The following ABCG8 variants were observed in gnomAD, a reference collection of about 807,000 sequenced individuals.
ABCG8 encodes the protein ATP-binding cassette sub-family G member 8.
ABCG8 carries 81 observed loss-of-function variants against 71.3 expected under a neutral mutation model. The observed-to-expected ratio is 1.14, with a 90% CI of 0.95 to 1.37. ABCG8 has a LOEUF of 1.37. Among genes scored for constraint, ABCG8 ranks in the 40% most tolerant of loss-of-function variants. ABCG8 has a pLI of 0.00. For synonymous variants in ABCG8, 451 were observed against 354.7 expected (o/e 1.27, Z -3.05); for missense variants, 1,119 against 866.2 (o/e 1.29, Z -3.66).
intron 6 of ABCG8, among the ~76,000 whole-genome samples, chr2:43,859,370 A>C (rs1268075022): frequency 1.3e-5 from 2 of 150,302 alleles, no homozygotes; most frequent in Non-Finnish European, 1.5e-5. Flanking sequence ...TCTAGATAGA[A>C]TTTTCACCAT....
Position 43,874,406 on chromosome 2 carries a change from G to C in ABCG8, c.1412-1G>C. On this transcript the variant is annotated splice_acceptor_variant, in intron 9 of 12. Coordinates refer to ENST00000272286, the MANE Select transcript of ABCG8 (RefSeq NM_022437.3). LOFTEE classifies it high-confidence loss of function. The stretch of plus-strand genomic sequence containing the variant: ...CTCTTTTCCTTTCCCTTACTTTTTA[G>C]GTTACTCAGAGAGGGCAATGCTTTA... 1 of 1,596,786 alleles carries C rather than the reference G, an allele frequency of 6.3e-7. No homozygotes were observed. Among genetic ancestry groups the C allele is most frequent in the Non-Finnish European group, 8.6e-7 (1 of 1,165,124 alleles).
intron 6 of ABCG8, among the ~76,000 whole-genome samples, chr2:43,856,196 T>A (rs1669099849): frequency 6.6e-6 from 1 of 151,830 alleles, no homozygotes; most frequent in Non-Finnish European, 1.5e-5. Context: ...CTGAATAGAA[T>A]TCTCACCCTA....
intron 6 of ABCG8, among the ~76,000 whole-genome samples, chr2:43,866,281 A>G (rs1169332987): frequency 2.0e-5 from 3 of 149,970 alleles, no homozygotes; most frequent in Non-Finnish European, 3.0e-5. Flanking sequence ...GGACATAGGC[A>G]CGGGCAAGGA....
chr2:43,855,888 G>A (rs1423000228), intron 6 of ABCG8, among the ~76,000 whole-genome samples: 2 of 150,046 alleles, frequency 1.3e-5, no homozygotes, highest in African/African-American at 4.9e-5. Context: ...CTCACTATCT[G>A]TCTGGATAGA....
intron 6 of ABCG8, 80 bp from the exon 7 acceptor site, chr2:43,871,896 C>T (rs1669787581): frequency 6.3e-7 from 1 of 1,594,176 alleles, no homozygotes; most frequent in South Asian, 1.1e-5. Context: ...GCATTGTGAG[C>T]TGGGCGTGCA....
chr2:43,842,624 C>A (rs1361197630), intron 1 of ABCG8, among the ~76,000 whole-genome samples: 1 of 152,076 alleles, frequency 6.6e-6, no homozygotes, highest in South Asian at 2.1e-4. Context: ...AAATATCGTA[C>A]ACAAATCAGC....
Position 43,844,582 on chromosome 2 carries a change from C to G in ABCG8, c.139C>G (p.Leu47Val). 1 of 1,614,150 alleles carries G rather than the reference C, an allele frequency of 6.2e-7. No individual in the cohort carries two copies. Among genetic ancestry groups the G allele is most frequent in the Non-Finnish European group, 8.5e-7 (1 of 1,179,994 alleles). The change falls in exon 2 of 13, where the codon CTG becomes GTG. Residue 47 changes from leucine to valine, a missense_variant. Coordinates refer to ENST00000272286, the MANE Select transcript of ABCG8 (RefSeq NM_022437.3). The stretch of plus-strand genomic sequence containing the variant: ...CACCTACAGTGGCCAGCCCAACACC[C>G]TGGAGGTCAGAGACCTCAACTACCA... The part of the protein sequence containing the change: ...YFTYSGQPNT[L>V]EVRDLNYQVD...
rs749087577 is a variant in ABCG8, at chr2:43,875,425, C to T, written c.1756+12C>T. On this transcript the variant is annotated intron_variant, in intron 11 of 12. Transcript: ENST00000272286. ...CAGCCTGTGGACAGGTAAGGCCTGC[C>T]CCCGGGGCCTGGGCCAGCTTTGTTA... The T allele has an allele frequency of 2.5e-6, 4 of 1,610,384 alleles. No homozygotes were observed. The Admixed American group carries it at 6.7e-5, about 27-fold the overall frequency.
intron 6 of ABCG8, among the ~76,000 whole-genome samples, chr2:43,865,685 A>G (rs917366605): frequency 2.1e-5 from 3 of 140,806 alleles, no homozygotes; most frequent in Non-Finnish European, 3.2e-5. Flanking sequence ...CACTGTCTGG[A>G]TAGAACTCTC....
At chr2:43,858,402 CTAT>C (rs1158891347) in intron 6 of ABCG8, among the ~76,000 whole-genome samples, 1 of 151,618 alleles carries the variant, frequency 6.6e-6, no homozygotes, top group African/African-American at 2.4e-5. Context: ...AGAATTCTCA[CTAT>C]CTATCTGGAT....
intron 6 of ABCG8, among the ~76,000 whole-genome samples, chr2:43,862,825 TACTA>T (rs1198933321): frequency 1.3e-5 from 2 of 149,714 alleles, no homozygotes; most frequent in Non-Finnish European, 3.0e-5. Context: ...TTAGCACTCT[TACTA>T]ACTGTCTGGA....
Position 43,859,917 on chromosome 2 carries a change from A to T in ABCG8, c.964+7049A>T, listed in dbSNP as rs553735468. On this transcript the variant is annotated intron_variant, in intron 6 of 12. Transcript: ENST00000272286. ...GATAGAATTCTCATTCTCTGGATAGATCTCTCATTATCTGTCTGGAGAGAA... is the reference window on the plus strand; with the variant it reads ...GATAGAATTCTCATTCTCTGGATAGTTCTCTCATTATCTGTCTGGAGAGAA... Among the ~76,000 whole-genome samples the T allele has an allele frequency of 6.6e-5, 10 of 151,446 alleles. No homozygotes were observed. In the South Asian group the frequency reaches 2.1e-3, roughly 31 times the overall value.
At position 43,878,168 on chromosome 2, in the gene ABCG8, A is replaced by C. The variant is rs1043854495; in HGVS notation, c.*255A>C. 2 of 551,848 alleles carry C rather than the reference A, an allele frequency of 3.6e-6. No individual in the cohort carries two copies. The highest frequency in any genetic ancestry group is 3.8e-5 in the African/African-American group (2 of 52,848). The allele number at this position is 551,848 out of a possible 1,614,324, so 34.2% of individuals were successfully genotyped here. ...AAACCTGCACTCGGTGGCACCTACA[A>C]CGTTGCTAATTTATTTCCTTTTGAT... On this transcript the variant is annotated 3_prime_UTR_variant, in exon 13 of 13. Transcript: ENST00000272286.
chr2:43,850,791 C>A (rs1326913143), intron 3 of ABCG8, among the ~76,000 whole-genome samples: 1 of 152,064 alleles, frequency 6.6e-6, no homozygotes, highest in Non-Finnish European at 1.5e-5. Context: ...CGCCTGTAAT[C>A]CCAGCTACTC....
chr2:43,842,691 C>T (rs1432699302), intron 1 of ABCG8, among the ~76,000 whole-genome samples: 4 of 152,122 alleles, frequency 2.6e-5, no homozygotes, highest in African/African-American at 9.7e-5. Flanking sequence ...GCTTGATCCC[C>T]GCACTCCTAC....
rs1553385521 is a variant in ABCG8 at position 43,880,663 on chromosome 2, T to TGTGC, written c.*2751_*2752insTGCG. 9.9e-5 allele frequency: 15 copies of TGTGC among 151,878 alleles called. No homozygotes were observed. Among genetic ancestry groups the TGTGC allele is most frequent in the Admixed American group, 3.3e-4 (5 of 15,264 alleles). 9.4% of individuals were successfully genotyped at this position (151,878 alleles called of 1,614,324 possible). A position where few individuals can be genotyped will look rare whatever the true frequency, so the allele number is the denominator to read the frequency against. On this transcript the variant is annotated 3_prime_UTR_variant, in exon 13 of 13. Coordinates refer to ENST00000272286, the MANE Select transcript of ABCG8 (RefSeq NM_022437.3). ...CAGAGTTAGGGAGTGTGTGTGTGTG[T>TGTGC]GCGCGCGCGCGCGCGCATGTGCATA...
At chr2:43,857,960 C>T (rs1016841903) in intron 6 of ABCG8, among the ~76,000 whole-genome samples, 1 of 151,036 alleles carries the variant, frequency 6.6e-6, no homozygotes, top group Non-Finnish European at 1.5e-5. Context: ...AGATTGCTCA[C>T]CATCTGGATA....
chr2:43,853,560 G>A (rs567132850), intron 6 of ABCG8, among the ~76,000 whole-genome samples: 110 of 152,240 alleles, frequency 7.2e-4, no homozygotes, highest in African/African-American at 2.6e-3. Context: ...GGTCGCCTGA[G>A]CCCCCAGCTT....
At chr2:43,875,121 TC>T in intron 10 of ABCG8, 24 bp from the exon 11 acceptor site, 3 of 1,614,176 alleles carry the variant, frequency 1.9e-6, no homozygotes, top group Non-Finnish European at 2.5e-6. Flanking sequence ...TGGCTTCATA[TC>T]CTTGCAAGGG....
Sources: gnomAD v4.1 joint callset for allele counts (sites outside exome capture counted in the v4.1 genomes callset) on GRCh38, gnomAD v4.1.1 for gene constraint, MANE v1.5 for transcripts, NCBI Gene and HGNC (gene_info 2026-07-23, HGNC 2026-07-21) for gene names.